The following ROBO1 variants were observed in gnomAD, a reference collection of about 807,000 sequenced individuals.
ROBO1 encodes the protein roundabout homolog 1.
In ROBO1, 149 loss-of-function variants were observed where a neutral mutation model predicts 195.9. That is an observed-to-expected ratio of 0.76 (90% confidence interval 0.67 to 0.87). ROBO1 has a LOEUF of 0.87. Among genes scored for constraint, ROBO1 ranks in the 40% least tolerant of loss-of-function variants. ROBO1 has a pLI of 0.00. For synonymous variants in ROBO1, 816 were observed against 733.2 expected, an observed-to-expected ratio of 1.11 and a Z score of -1.82; for missense variants, 1,933 against 2,068.3, an observed-to-expected ratio of 0.93 and a Z score of 1.27.
At chr3:79,389,203 T>G (rs2036860943) in intron 2 of ROBO1, among the ~76,000 whole-genome samples, 1 of 151,954 alleles carries the variant, frequency 6.6e-6, no homozygotes. Context: ...AATTTGAATT[T>G]AAGTAAGAAA....
intron 2 of ROBO1, among the ~76,000 whole-genome samples, chr3:79,472,710 C>T (rs1481670412): frequency 6.6e-6 from 1 of 152,094 alleles, no homozygotes; most frequent in Non-Finnish European, 1.5e-5. Context: ...AGATAGAGTC[C>T]TTGCTTGGTG....
intron 1 of ROBO1, among the ~76,000 whole-genome samples, chr3:79,644,811 C>T (rs1176047946): frequency 6.6e-6 from 1 of 151,980 alleles, no homozygotes; most frequent in Admixed American, 6.6e-5. Context: ...ATGTTTTAGG[C>T]CACAAAACAG....
At chr3:78,999,784 T>C (rs762006369) in intron 3 of ROBO1, among the ~76,000 whole-genome samples, 12 of 152,266 alleles carry the variant, frequency 7.9e-5, no homozygotes, top group East Asian at 1.9e-4. Flanking sequence ...TTCTAAATTA[T>C]TGATGGTTTC....
At chr3:79,246,045 A>T (rs964194387) in intron 2 of ROBO1, among the ~76,000 whole-genome samples, 1 of 152,116 alleles carries the variant, frequency 6.6e-6, no homozygotes, top group Admixed American at 6.6e-5. Context: ...CTGGTACCAG[A>T]TATTTAAAGT....
At chr3:79,407,272 T>G (rs2106825270) in intron 2 of ROBO1, among the ~76,000 whole-genome samples, 1 of 152,254 alleles carries the variant, frequency 6.6e-6, no homozygotes, top group South Asian at 2.1e-4. Flanking sequence ...TAGAAGACAT[T>G]GTAATAGCCA....
chr3:79,496,845 A>T (rs1006497292), intron 2 of ROBO1, among the ~76,000 whole-genome samples: 1 of 137,800 alleles, frequency 7.3e-6, no homozygotes, highest in African/African-American at 2.6e-5. Flanking sequence ...ATACTATCAC[A>T]TATGTAAATC....
chr3:79,432,404 A>G (rs2038713524), intron 2 of ROBO1, among the ~76,000 whole-genome samples: 2 of 152,278 alleles, frequency 1.3e-5, no homozygotes, highest in African/African-American at 4.8e-5. Flanking sequence ...ACTCGAGACC[A>G]TTACATCACT....
chr3:78,822,840 C>T (rs2031149716), intron 4 of ROBO1, among the ~76,000 whole-genome samples: 1 of 152,170 alleles, frequency 6.6e-6, no homozygotes, highest in Non-Finnish European at 1.5e-5. Flanking sequence ...ATACTTTATT[C>T]ATGCACAATA....
At chr3:79,535,382 C>T (rs1941817808) in intron 2 of ROBO1, among the ~76,000 whole-genome samples, 1 of 152,070 alleles carries the variant, frequency 6.6e-6, no homozygotes, top group South Asian at 2.1e-4. Flanking sequence ...ATTAGGACAC[C>T]ATTTTTTAGC....
intron 8 of ROBO1, among the ~76,000 whole-genome samples, chr3:78,697,937 G>A (rs1236655987): frequency 1.3e-5 from 2 of 151,824 alleles, no homozygotes; most frequent in Non-Finnish European, 2.9e-5. Flanking sequence ...TTTTTAATGG[G>A]CTAAATATGA....
At chr3:78,683,688 C>T (rs2080984571) in intron 10 of ROBO1, among the ~76,000 whole-genome samples, 1 of 151,958 alleles carries the variant, frequency 6.6e-6, no homozygotes, top group East Asian at 1.9e-4. Context: ...AAAGGATAAT[C>T]TTTCCAATAA....
chr3:79,439,984 A>G (rs1377232031), intron 2 of ROBO1, among the ~76,000 whole-genome samples: 2 of 152,078 alleles, frequency 1.3e-5, no homozygotes, highest in Non-Finnish European at 2.9e-5. Context: ...CATTTGAGCC[A>G]GACCTTGAAA....
At chr3:79,335,604 G>A (rs1423068747) in intron 2 of ROBO1, among the ~76,000 whole-genome samples, 2 of 152,132 alleles carry the variant, frequency 1.3e-5, no homozygotes, top group Non-Finnish European at 2.9e-5. Flanking sequence ...GGCCTCCCCA[G>A]CCATGTGGAA....
intron 26 of ROBO1, among the ~76,000 whole-genome samples, chr3:78,619,999 CAG>C (rs1704356324): frequency 7.2e-6 from 1 of 138,704 alleles, no homozygotes; most frequent in Non-Finnish European, 1.5e-5. Flanking sequence ...GCCTGGGTGA[CAG>C]AGTGAGACTC....
intron 3 of ROBO1, among the ~76,000 whole-genome samples, chr3:79,029,818 G>A (rs1199867552): frequency 6.6e-6 from 1 of 152,156 alleles, no homozygotes; most frequent in Non-Finnish European, 1.5e-5. Flanking sequence ...TCTGTGTGAT[G>A]ATCCTAGAAC....
chr3:79,534,636 C>A (rs1941786372), intron 2 of ROBO1, among the ~76,000 whole-genome samples: 1 of 152,134 alleles, frequency 6.6e-6, no homozygotes, highest in Non-Finnish European at 1.5e-5. Flanking sequence ...CCAATGCTTT[C>A]CTTTTGGGTG....
intron 3 of ROBO1, among the ~76,000 whole-genome samples, chr3:78,955,957 A>G (rs545470682): frequency 1.6e-4 from 24 of 152,234 alleles, no homozygotes; most frequent in African/African-American, 5.1e-4. Context: ...CTCTCCTGAT[A>G]TCTTCCTCAT....
At chr3:79,492,410 AGTGAGACT>A (rs1939509033) in intron 2 of ROBO1, among the ~76,000 whole-genome samples, 1 of 125,710 alleles carries the variant, frequency 8.0e-6, no homozygotes, top group Non-Finnish European at 1.6e-5. Context: ...GGGCAATAAG[AGTGAGACT>A]CTGTTTCAGA....
intron 2 of ROBO1, among the ~76,000 whole-genome samples, chr3:79,451,620 C>T (rs2039444420): frequency 6.6e-6 from 1 of 152,036 alleles, no homozygotes; most frequent in Admixed American, 6.6e-5. Context: ...TTCACTGCAG[C>T]TGTGTTTAGT....
Sources: allele counts gnomAD v4.1 joint callset (sites outside exome capture counted in the v4.1 genomes callset), GRCh38; gene constraint gnomAD v4.1.1; transcripts MANE v1.5; gene names NCBI Gene and HGNC (gene_info 2026-07-23, HGNC 2026-07-21).